The following FEZ1 variants were observed in gnomAD, a reference collection of about 807,000 sequenced individuals.
FEZ1 encodes the protein fasciculation and elongation protein zeta-1.
FEZ1 carries 20 observed loss-of-function variants against 49.3 expected under a neutral mutation model. That is an observed-to-expected ratio of 0.41 (90% CI 0.29 to 0.59). The LOEUF (loss-of-function observed/expected upper bound fraction) is 0.59. FEZ1 is among the 20% of genes least tolerant of loss of function. The pLI is 0.36. For missense variants in FEZ1, 413 were observed against 476.0 expected, an observed-to-expected ratio of 0.87 and a Z score of 1.23; for synonymous variants, 170 against 180.9, an observed-to-expected ratio of 0.94 and a Z score of 0.48.
Position 125,463,133 on chromosome 11 carries a change from C to T in FEZ1, c.498+351G>A, listed in dbSNP as rs114074919. 7.3e-3 allele frequency: 1,164 copies of T among 159,020 alleles called. 14 individuals carry two copies. Among genetic ancestry groups the T allele is most frequent in the African/African-American group, 0.026 (1,078 of 41,482 alleles). 9.9% of individuals were successfully genotyped at this position (159,020 alleles called of 1,614,324 possible). ...TGGCCAACATGGTGAAATCACATCT[C>T]TACCAAAAAATTTTTTATAAGAATT... On this transcript the variant is annotated intron_variant, in intron 4 of 9. Coordinates refer to ENST00000278919, the MANE Select transcript of FEZ1 (RefSeq NM_005103.5).
chr11:125,460,783 T>A (rs925530623), intron 4 of FEZ1, 117 bp from the exon 5 acceptor site: 1 of 823,386 alleles, frequency 1.2e-6, no homozygotes, highest in African/African-American at 1.7e-5. Flanking sequence ...TCTAAAGCAA[T>A]ATTGTTTTTA....
chr11:125,473,235 A>T (rs550214140), intron 3 of FEZ1, among the ~76,000 whole-genome samples: 42 of 152,272 alleles, frequency 2.8e-4, no homozygotes, highest in Non-Finnish European at 5.9e-4. Flanking sequence ...ATTCAGAAGT[A>T]GATCCGCACA....
At chr11:125,482,025 A>AAG (rs1012576179) in intron 2 of FEZ1, among the ~76,000 whole-genome samples, 4 of 151,044 alleles carry the variant, frequency 2.6e-5, no homozygotes, top group Non-Finnish European at 4.4e-5. Context: ...GAGAGAGAGA[A>AAG]AGAGAGAGAG....
intron 2 of FEZ1, among the ~76,000 whole-genome samples, chr11:125,484,341 T>C (rs781746164): frequency 9.9e-5 from 15 of 152,210 alleles, no homozygotes; most frequent in Non-Finnish European, 2.1e-4. Context: ...CTGCCAGTAA[T>C]GGTAAAAGTG....
At chr11:125,485,671 C>T (rs569818773) in intron 2 of FEZ1, among the ~76,000 whole-genome samples, 71 of 152,050 alleles carry the variant, frequency 4.7e-4, no homozygotes, top group African/African-American at 1.7e-3. Flanking sequence ...CGTGGTGGCT[C>T]ACGCCTGTAA....
At chr11:125,458,795 G>A (rs964775962) in intron 5 of FEZ1, among the ~76,000 whole-genome samples, 62 of 152,264 alleles carry the variant, frequency 4.1e-4, no homozygotes, top group African/African-American at 1.4e-3. Context: ...CGGGCCGGGC[G>A]CAGTGGGTCA....
Position 125,482,703 on chromosome 11 carries a change from G to A in FEZ1, c.312-1070C>T, listed in dbSNP as rs185893421. Among the ~76,000 whole-genome samples the A allele has an allele frequency of 2.0e-4, 30 of 152,192 alleles. 1 individual carries two copies. Among genetic ancestry groups the A allele is most frequent in the African/African-American group, 3.1e-4 (13 of 41,546 alleles). On this transcript the variant is annotated intron_variant, in intron 2 of 9. Coordinates refer to ENST00000278919, the MANE Select transcript of FEZ1 (RefSeq NM_005103.5). ...AATGAGGCCGGGCGCGATGGCTCAC[G>A]CCTGAAATCCAGCACTTTGGAAGGC...
chr11:125,495,048 T>C lies in FEZ1; in HGVS notation c.-46+1073A>G, dbSNP rs966785793. Among the ~76,000 whole-genome samples the C allele has an allele frequency of 6.6e-6, 1 of 152,186 alleles. No individual in the cohort carries two copies. The highest frequency in any genetic ancestry group is 1.5e-5 in the Non-Finnish European group (1 of 68,030). On this transcript the variant is annotated intron_variant, in intron 1 of 9. Transcript: ENST00000278919. This position sits in a 1 kb window ranked among gnomAD's most constrained non-coding sequence, Gnocchi z 4.2. Reference sequence around the variant, plus strand: ...CTCCGCAGAACCCACCCAGTGTGCATGTTTGTGCACATTTTGACAGAAAAA... The same window carrying C: ...CTCCGCAGAACCCACCCAGTGTGCACGTTTGTGCACATTTTGACAGAAAAA...
At position 125,460,803 on chromosome 11, in the gene FEZ1, T is replaced by A. The variant is rs530327141; in HGVS notation, c.499-137A>T. ...AGCAATATTGTTTTTACATAAATAC[T>A]GAATAATAAAAATAGTTCCAACCAA... On this transcript the variant is annotated intron_variant, in intron 4 of 9. Coordinates refer to ENST00000278919, the MANE Select transcript of FEZ1 (RefSeq NM_005103.5). 8 of 656,914 alleles carry A rather than the reference T, an allele frequency of 1.2e-5. No homozygotes were observed. In the South Asian group the frequency reaches 2.0e-4, roughly 17 times the overall value. 40.7% of individuals were successfully genotyped at this position (656,914 alleles called of 1,614,324 possible).
chr11:125,454,311 G>T, intron 6 of FEZ1, 101 bp from the exon 7 acceptor site: 1 of 791,566 alleles, frequency 1.3e-6, no homozygotes, highest in South Asian at 1.7e-5. Flanking sequence ...TAACGCCCCA[G>T]GGTTCTGTGA....
At chr11:125,485,564 G>T (rs1295974835) in intron 2 of FEZ1, among the ~76,000 whole-genome samples, 3 of 152,110 alleles carry the variant, frequency 2.0e-5, no homozygotes, top group Non-Finnish European at 2.9e-5. Flanking sequence ...CTAGTGTTTT[G>T]CTGGTGTGCA....
chr11:125,491,743 G>C (rs1366083042), intron 1 of FEZ1, among the ~76,000 whole-genome samples: 1 of 152,194 alleles, frequency 6.6e-6, no homozygotes. Flanking sequence ...CTGCCAGTTT[G>C]TACCGGGATT....
Position 125,446,057 on chromosome 11 carries a change from A to T in FEZ1, c.*38T>A. 6.2e-7 allele frequency: 1 copy of T among 1,605,160 alleles called. No individual in the cohort carries two copies. Among genetic ancestry groups the T allele is most frequent in the Non-Finnish European group, 8.5e-7 (1 of 1,171,916 alleles). ...CCCTGTGATGGAATGACTCTTGCTCAGTGACCTCCTGCAGCGAGGCTGCTC... is the reference window on the plus strand; with the variant it reads ...CCCTGTGATGGAATGACTCTTGCTCTGTGACCTCCTGCAGCGAGGCTGCTC... On this transcript the variant is annotated 3_prime_UTR_variant, in exon 10 of 10. Coordinates refer to ENST00000278919, the MANE Select transcript of FEZ1 (RefSeq NM_005103.5).
intron 4 of FEZ1, among the ~76,000 whole-genome samples, chr11:125,462,847 A>C (rs1197013654): frequency 6.6e-6 from 1 of 151,730 alleles, no homozygotes; most frequent in Admixed American, 6.6e-5. Context: ...AAAAGTACAG[A>C]AAATTAGCTG....
At chr11:125,487,977 A>G in intron 2 of FEZ1, among the ~76,000 whole-genome samples, 1 of 152,122 alleles carries the variant, frequency 6.6e-6, no homozygotes, top group East Asian at 1.9e-4. Context: ...CATTCTTCCC[A>G]CTCAAATCCA....
At chr11:125,446,171 G>C in intron 9 of FEZ1, 60 bp from the exon 10 acceptor site, 1 of 1,562,866 alleles carries the variant, frequency 6.4e-7, no homozygotes, top group Non-Finnish European at 8.8e-7. Flanking sequence ...GGGGACCTCC[G>C]AGCCCTGGAT....
rs1365793389 is a variant in FEZ1 at position 125,445,389 on chromosome 11, A to G, written c.*706T>C. On this transcript the variant is annotated 3_prime_UTR_variant, in exon 10 of 10. Transcript: ENST00000278919. The surrounding 1 kb of genome is among the most constrained non-coding windows in gnomAD (Gnocchi z 4.4). ...CCAGGGCCAGCCTGGCCATCCCACC[A>G]GGAGATCTGCAGCTGTGTGGCTCCT... Among the ~76,000 whole-genome samples, 1 of 152,222 alleles carries G rather than the reference A, an allele frequency of 6.6e-6. No individual in the cohort carries two copies. The highest frequency in any genetic ancestry group is 2.4e-5 in the African/African-American group (1 of 41,456).
chr11:125,448,941 A>G (rs889424643), intron 8 of FEZ1, among the ~76,000 whole-genome samples: 5 of 152,114 alleles, frequency 3.3e-5, no homozygotes, highest in Non-Finnish European at 5.9e-5. Context: ...GAGAGGCATC[A>G]CGCAATATGC....
chr11:125,493,489 G>GAGAGAAAGAGA (rs1565307273), intron 1 of FEZ1, among the ~76,000 whole-genome samples: 2 of 49,712 alleles, frequency 4.0e-5, no homozygotes, highest in African/African-American at 8.4e-5. Context: ...AAGGAAAGAA[G>GAGAGAAAGAGA]GAAAGAAAGA....
Sources: gnomAD v4.1 joint callset for allele counts (sites outside exome capture counted in the v4.1 genomes callset) on GRCh38, gnomAD v4.1.1 for gene constraint, Gnocchi (gnomAD v3.1) non-coding constraint, MANE v1.5 for transcripts, NCBI Gene and HGNC (gene_info 2026-07-23, HGNC 2026-07-21) for gene names.